DST: variants seen among roughly 807,000 people sequenced by gnomAD.
DST encodes the protein dystonin.
DST carries 253 observed loss-of-function variants against 875.2 expected under a neutral mutation model. That is an observed-to-expected ratio of 0.29 (90% CI 0.26 to 0.32). The LOEUF is 0.32. Among genes scored for constraint, DST ranks in the 10% least tolerant of loss-of-function variants. DST has a pLI of 1.00. For synonymous variants in DST, 3,124 were observed against 3,197.1 expected (o/e 0.98, Z 0.77); for missense variants, 8,287 against 9,111.6 (o/e 0.91, Z 3.68).
At chr6:56,749,357 A>C (rs1264258045) in intron 4 of DST, among the ~76,000 whole-genome samples, 1 of 152,162 alleles carries the variant, frequency 6.6e-6, no homozygotes, top group African/African-American at 2.4e-5. Flanking sequence ...GTGTCTCAAA[A>C]AAATAAAAAA....
At chr6:56,670,401 T>C (rs2099095505) in intron 10 of DST, 1 of 287,438 alleles carries the variant, frequency 3.5e-6, no homozygotes, top group Non-Finnish European at 6.4e-6. Flanking sequence ...GTTTTACCCT[T>C]TTGCCAAGGC....
chr6:56,668,374 C>T (rs1441288030), intron 10 of DST, among the ~76,000 whole-genome samples: 1 of 152,084 alleles, frequency 6.6e-6, no homozygotes, highest in African/African-American at 2.4e-5. Context: ...CAGCAACCTA[C>T]ACCCACCTCT....
intron 10 of DST, among the ~76,000 whole-genome samples, chr6:56,658,582 C>T (rs568272417): frequency 1.3e-5 from 2 of 152,204 alleles, no homozygotes; most frequent in East Asian, 1.9e-4. Flanking sequence ...CGCAGGTTAC[C>T]AAAACGTATC....
In DST at chr6:56,498,174, A is replaced by G. The variant is rs1471770269; in HGVS notation, c.19897-121T>C. 10 of 1,013,478 alleles carry G rather than the reference A, an allele frequency of 9.9e-6. No individual in the cohort carries two copies. In the Admixed American group the frequency reaches 1.5e-4, roughly 16 times the overall value. The allele number at this position is 1,013,478 out of a possible 1,614,324, so 62.8% of individuals were successfully genotyped here. A position where few individuals can be genotyped will look rare whatever the true frequency, so the allele number is the denominator to read the frequency against. On this transcript the variant is annotated intron_variant, in intron 80 of 103. Transcript: ENST00000680361. ...CAAACAAAAACGTTATATGTGTAGAATTTTAATTTTTTTTAAAGAGATGGG... is the reference window on the plus strand; with the variant it reads ...CAAACAAAAACGTTATATGTGTAGAGTTTTAATTTTTTTTAAAGAGATGGG...
At chr6:56,495,575 T>C (rs894847495) in intron 82 of DST, among the ~76,000 whole-genome samples, 2 of 152,026 alleles carry the variant, frequency 1.3e-5, no homozygotes, top group Non-Finnish European at 2.9e-5. Flanking sequence ...ATGGACACTG[T>C]CAAAGCTGTG....
intron 2 of DST, among the ~76,000 whole-genome samples, chr6:56,902,712 G>C (rs1794692746): frequency 6.6e-6 from 1 of 152,158 alleles, no homozygotes; most frequent in Non-Finnish European, 1.5e-5. Flanking sequence ...ACCGAAAATA[G>C]TCCCAGAACA....
In DST at chr6:56,501,696, AT is replaced by A; in HGVS notation, c.19567-4del. 1 of 1,573,906 alleles carries A rather than the reference AT, an allele frequency of 6.4e-7. No individual in the cohort carries two copies. ...TGATAGGCCTCAGACTTAAATTGCTATTTTAAAAGAGATATACAAAGAAAAT... is the reference window on the plus strand; with the variant it reads ...TGATAGGCCTCAGACTTAAATTGCTATTTAAAAGAGATATACAAAGAAAAT... On this transcript the variant is annotated splice_polypyrimidine_tract_variant and splice_region_variant and intron_variant, in intron 78 of 103. Transcript: ENST00000680361.
intron 90 of DST, among the ~76,000 whole-genome samples, chr6:56,480,821 C>G (rs544150624): frequency 6.6e-6 from 1 of 152,102 alleles, no homozygotes; most frequent in Non-Finnish European, 1.5e-5. Context: ...GTTAGATATG[C>G]ACAATGGGCT....
chr6:56,838,284 C>G (rs1026421720), intron 4 of DST, among the ~76,000 whole-genome samples: 2 of 152,182 alleles, frequency 1.3e-5, no homozygotes, highest in African/African-American at 4.8e-5. Context: ...CCTAGATATT[C>G]CATCTTGTTA....
At chr6:56,877,843 T>C (rs1409502862) in intron 3 of DST, among the ~76,000 whole-genome samples, 1 of 152,158 alleles carries the variant, frequency 6.6e-6, no homozygotes, top group Non-Finnish European at 1.5e-5. Flanking sequence ...ATAAGATAAA[T>C]ACAGAAATTG....
At position 56,601,756 on chromosome 6, in the gene DST, G is replaced by A. The variant is rs2098448291; in HGVS notation, c.11308-80C>T. 3 of 862,098 alleles carry A rather than the reference G, an allele frequency of 3.5e-6. No individual in the cohort carries two copies. In the South Asian group the frequency reaches 6.5e-5, roughly 19 times the overall value. 53.4% of individuals were successfully genotyped at this position (862,098 alleles called of 1,614,324 possible). A position where few individuals can be genotyped will look rare whatever the true frequency, so the allele number is the denominator to read the frequency against. ...ATATTAACAATAATATTTATGTTTTGTAAATACATTTCTCACATCAGGGAA... is the reference window on the plus strand; with the variant it reads ...ATATTAACAATAATATTTATGTTTTATAAATACATTTCTCACATCAGGGAA... On this transcript the variant is annotated intron_variant, in intron 43 of 103. Coordinates refer to ENST00000680361, the MANE Select transcript of DST (RefSeq NM_001374736.1).
chr6:56,847,002 CAAAAAAAAAAA>C (rs569665465), intron 4 of DST, among the ~76,000 whole-genome samples: 5 of 51,984 alleles, frequency 9.6e-5, no homozygotes, highest in African/African-American at 3.4e-4. Context: ...GACCCTGTCT[CAAAAAAAAAAA>C]AAAAAAAAAA....
chr6:56,492,843 G>T, intron 84 of DST, 91 bp downstream of exon 84: 1 of 1,121,084 alleles, frequency 8.9e-7, no homozygotes, highest in Non-Finnish European at 1.2e-6. Flanking sequence ...CCACAGTCCT[G>T]GACGACAGAG....
At chr6:56,942,854 C>T (rs1817402522) in intron 2 of DST, among the ~76,000 whole-genome samples, 1 of 151,640 alleles carries the variant, frequency 6.6e-6, no homozygotes, top group Non-Finnish European at 1.5e-5. Context: ...GTAGTTAGGA[C>T]TATAGGAGCA....
intron 4 of DST, among the ~76,000 whole-genome samples, chr6:56,778,280 G>T (rs895177141): frequency 2.7e-5 from 4 of 150,506 alleles, no homozygotes; most frequent in African/African-American, 9.8e-5. Context: ...GTACAGAACT[G>T]AGGCAGAAAT....
At chr6:56,660,874 A>G (rs2099037004) in intron 10 of DST, among the ~76,000 whole-genome samples, 2 of 152,224 alleles carry the variant, frequency 1.3e-5, no homozygotes, top group South Asian at 4.1e-4. Flanking sequence ...CAAGGTAGAC[A>G]GCAAAGATGA....
chr6:56,524,775 A>C (rs2096767927), intron 69 of DST, among the ~76,000 whole-genome samples: 1 of 152,138 alleles, frequency 6.6e-6, no homozygotes, highest in Non-Finnish European at 1.5e-5. Flanking sequence ...TCACTTTCAA[A>C]AGGATTTTAC....
chr6:56,533,077 G>A (rs1177610265), intron 63 of DST, among the ~76,000 whole-genome samples: 1 of 152,148 alleles, frequency 6.6e-6, no homozygotes, highest in African/African-American at 2.4e-5. Flanking sequence ...GTGTGAGGCT[G>A]CAAACTAAAA....
At chr6:56,915,383 T>C (rs1305347998) in intron 2 of DST, among the ~76,000 whole-genome samples, 1 of 152,112 alleles carries the variant, frequency 6.6e-6, no homozygotes, top group Non-Finnish European at 1.5e-5. Flanking sequence ...TCTGAAGTGG[T>C]AAATGTTCAC....
Sources: allele counts gnomAD v4.1 joint callset (sites outside exome capture counted in the v4.1 genomes callset), GRCh38; gene constraint gnomAD v4.1.1; transcripts MANE v1.5; gene names NCBI Gene and HGNC (gene_info 2026-07-23, HGNC 2026-07-21).